PLCXD1: variants seen among roughly 807,000 people sequenced by gnomAD.
PLCXD1 encodes the protein phosphatidylinositol specific phospholipase C X domain containing 1.
In PLCXD1, 45 loss-of-function variants were observed where a neutral mutation model predicts 37.8. The ratio of observed to expected loss-of-function variants is 1.19; its 90% CI spans 0.94 to 1.53. The LOEUF is 1.53. Ranked by LOEUF, PLCXD1 falls within the 40% of genes most tolerant of loss-of-function variation. PLCXD1 has a pLI of 0.00. For synonymous variants in PLCXD1, 246 were observed against 206.9 expected (o/e 1.19, Z -1.62); for missense variants, 539 against 454.7 (o/e 1.19, Z -1.69).
At chrX:280,289 GGAGGA>G (rs2069235528), upstream of PLCXD1, among the ~76,000 whole-genome samples, 1 of 150,840 alleles carries the variant, frequency 6.6e-6, no homozygotes, top group African/African-American at 2.4e-5. Context: ...AGGCCGTGCA[GGAGGA>G]GGGGAGGCCG....
intron 1 of PLCXD1, among the ~76,000 whole-genome samples, chrX:282,515 A>T (rs2069302391): frequency 6.6e-6 from 1 of 151,334 alleles, no homozygotes; most frequent in Non-Finnish European, 1.5e-5. Context: ...GACTAGCCTG[A>T]CCAAGATAGT....
intron 5 of PLCXD1, 82 bp from the exon 6 acceptor site, chrX:292,953 C>A: frequency 1.0e-6 from 1 of 954,234 alleles, no homozygotes; most frequent in Non-Finnish European, 1.6e-6. Flanking sequence ...GGGCCGGTGT[C>A]CCGACTTCCC....
intron 2 of PLCXD1, among the ~76,000 whole-genome samples, chrX:285,271 CAT>C (rs2069411779): frequency 6.6e-6 from 1 of 152,172 alleles, no homozygotes; most frequent in Admixed American, 6.5e-5. Flanking sequence ...TATACATGCA[CAT>C]AGGCTCATAC....
upstream of PLCXD1, among the ~76,000 whole-genome samples, chrX:277,146 G>A (rs1232325731): frequency 2.0e-5 from 3 of 152,140 alleles, no homozygotes; most frequent in Admixed American, 1.3e-4. Context: ...GGCCGCCCCC[G>A]GGGCTCCTTC....
chrX:279,500 G>A (rs1391967871), upstream of PLCXD1, among the ~76,000 whole-genome samples: 15 of 152,194 alleles, frequency 9.9e-5, no homozygotes, highest in Admixed American at 7.9e-4. Flanking sequence ...GGCCGGGCAC[G>A]GTGGCTCACG....
rs190062317 is a variant in PLCXD1, at chrX:301,266, T to C, written c.*1931T>C. On this transcript the variant is annotated 3_prime_UTR_variant, in exon 7 of 7. Coordinates refer to ENST00000381657, the MANE Select transcript of PLCXD1 (RefSeq NM_018390.4). Reference sequence around the variant, plus strand: ...GCTCCAGTGATCCTCCCACCTTAGCTTCCAGAGTGGCCAGGATCACAGGCA... The same window carrying C: ...GCTCCAGTGATCCTCCCACCTTAGCCTCCAGAGTGGCCAGGATCACAGGCA... 1 of 152,206 alleles carries C rather than the reference T, an allele frequency of 6.6e-6. No homozygotes were observed. Among genetic ancestry groups the C allele is most frequent in the Non-Finnish European group, 1.5e-5 (1 of 68,060 alleles). 9.4% of individuals were successfully genotyped at this position (152,206 alleles called of 1,614,324 possible).
At chrX:282,917 T>C (rs910955603) in intron 1 of PLCXD1, among the ~76,000 whole-genome samples, 16 of 140,884 alleles carry the variant, frequency 1.1e-4, no homozygotes, top group African/African-American at 4.0e-4. Context: ...TATATGTATA[T>C]ATGTTATACA....
chrX:294,260 A>C (rs1602896420), intron 6 of PLCXD1, among the ~76,000 whole-genome samples: 1 of 152,184 alleles, frequency 6.6e-6, no homozygotes, highest in Non-Finnish European at 1.5e-5. Context: ...AGGCGGGCGG[A>C]TCATGAGGTC....
At chrX:284,463 G>A in intron 2 of PLCXD1, 149 bp downstream of exon 2, 1 of 812,580 alleles carries the variant, frequency 1.2e-6, no homozygotes. Context: ...ACACTGATGT[G>A]GACACACACA....
rs771865156 is a variant in PLCXD1 at position 302,270 on chromosome X, AC to A, written c.*2945del. The A allele has an allele frequency of 0.13, 18,470 of 145,426 alleles. 2,722 individuals are homozygous for A. Among genetic ancestry groups the A allele is most frequent in the African/African-American group, 0.36 (14,559 of 40,018 alleles). The allele number at this position is 145,426 out of a possible 1,614,324, so 9.0% of individuals were successfully genotyped here. On this transcript the variant is annotated 3_prime_UTR_variant, in exon 7 of 7. Transcript: ENST00000381657. ...TTAAAGTCCTACAGGTACAAGGGAG[AC>A]CCCCCCCCCACGGAAGGCGCCCCCA...
In PLCXD1 at chrX:303,204, A is replaced by T. The variant is rs1436388237; in HGVS notation, c.*3869A>T. On this transcript the variant is annotated 3_prime_UTR_variant, in exon 7 of 7. Transcript: ENST00000381657. The stretch of plus-strand genomic sequence containing the variant: ...TACCTCAGCCCCACGGCTCTGCAGG[A>T]TCAGGGCTCGGGCAGGCCCCGCGGA... 1 of 152,156 alleles carries T rather than the reference A, an allele frequency of 6.6e-6. No individual in the cohort carries two copies. Among genetic ancestry groups the T allele is most frequent in the East Asian group, 1.9e-4 (1 of 5,192 alleles). 9.4% of individuals were successfully genotyped at this position (152,156 alleles called of 1,614,324 possible).
chrX:303,195 C>T lies in PLCXD1; in HGVS notation c.*3860C>T, dbSNP rs2070070369. 6.6e-6 allele frequency: 1 copy of T among 152,194 alleles called. No homozygotes were observed. Among genetic ancestry groups the T allele is most frequent in the African/African-American group, 2.4e-5 (1 of 41,458 alleles). 9.4% of individuals were successfully genotyped at this position (152,194 alleles called of 1,614,324 possible). On this transcript the variant is annotated 3_prime_UTR_variant, in exon 7 of 7. Transcript: ENST00000381657. ...ACCGGCGGCTACCTCAGCCCCACGG[C>T]TCTGCAGGATCAGGGCTCGGGCAGG... is the stretch of plus-strand genomic sequence containing the variant.
At chrX:296,960 T>G (rs1201580552) in intron 6 of PLCXD1, among the ~76,000 whole-genome samples, 5 of 98,996 alleles carry the variant, frequency 5.1e-5, no homozygotes, top group Non-Finnish European at 1.0e-4. Flanking sequence ...TGGACATCTT[T>G]GGGGACATTA....
At chrX:292,644 G>A (rs1393257042) in intron 5 of PLCXD1, among the ~76,000 whole-genome samples, 5 of 150,974 alleles carry the variant, frequency 3.3e-5, no homozygotes, top group East Asian at 2.0e-4. Context: ...AGGGAGTCTC[G>A]GTCTGTCTCC....
chrX:299,244 G>C lies in PLCXD1; in HGVS notation c.881G>C (p.Arg294Pro), dbSNP rs201650548. 4.3e-6 allele frequency: 7 copies of C among 1,613,756 alleles called. No homozygotes were observed. The highest frequency in any genetic ancestry group is 1.3e-5 in the African/African-American group (1 of 74,896). Residue 294 changes from arginine (R) to proline (P), a missense_variant, in exon 7 of 7, where the codon CGG (arginine) becomes CCG (proline). Physicochemically the swap from Arg to Pro is moderately radical, Grantham distance 103 (BLOSUM62 -2). Coordinates refer to ENST00000381657, the MANE Select transcript of PLCXD1 (RefSeq NM_018390.4). ...VREQCPGPGS[R>P]CTNIIAGDFI... ...GAGCAGTGCCCGGGGCCGGGTTCAC[G>C]GTGCACCAACATCATCGCGGGGGAC...
chrX:293,413 C>T (rs1047436303), intron 6 of PLCXD1, among the ~76,000 whole-genome samples, 195 bp downstream of exon 6: 15 of 152,148 alleles, frequency 9.9e-5, no homozygotes, highest in Admixed American at 4.6e-4. Flanking sequence ...CACCTGAGGT[C>T]GGGAGTTTGA....
rs182577220 is a variant in PLCXD1 at position 289,800 on chromosome X, C to T, written c.265-848C>T. Among the ~76,000 whole-genome samples, 783 of 152,124 alleles carry T rather than the reference C, an allele frequency of 5.1e-3. 6 individuals are homozygous for T. The highest frequency in any genetic ancestry group is 0.018 in the African/African-American group (748 of 41,532). ...TGCTGGGATTACAGGCGTCAGCCAC[C>T]GCGCCCGGCCGAGACAACCCCTTTC... On this transcript the variant is annotated intron_variant, in intron 3 of 6. Coordinates refer to ENST00000381657, the MANE Select transcript of PLCXD1 (RefSeq NM_018390.4).
rs1293656607 is a variant in PLCXD1 at position 290,884 on chromosome X, G to GCCAAGCTC, written c.393+110_393+111insAAGCTCCC. 6.3e-4 allele frequency: 219 copies of GCCAAGCTC among 345,164 alleles called. 4 individuals carry two copies. Among genetic ancestry groups the GCCAAGCTC allele is most frequent in the Middle Eastern group, 8.3e-4 (1 of 1,210 alleles). 21.4% of individuals were successfully genotyped at this position (345,164 alleles called of 1,614,324 possible). A position where few individuals can be genotyped will look rare whatever the true frequency, so the allele number is the denominator to read the frequency against. The stretch of plus-strand genomic sequence containing the variant: ...GAAGCAAGGGGGACAGCGGGAGGCG[G>GCCAAGCTC]CCGGGCACTGGTGCAGGTGCGGCCG... On this transcript the variant is annotated intron_variant, in intron 4 of 6. Transcript: ENST00000381657.
At position 293,047 on chromosome X, in the gene PLCXD1, CTG is replaced by C. The variant is rs2069686358; in HGVS notation, c.563_564del (p.Leu188ProfsTer15). 1.2e-6 allele frequency: 2 copies of C among 1,607,552 alleles called. No individual in the cohort carries two copies. The highest frequency in any genetic ancestry group is 1.7e-6 in the Non-Finnish European group (2 of 1,176,968). On this transcript the variant is annotated frameshift_variant, in exon 6 of 7. Coordinates refer to ENST00000381657, the MANE Select transcript of PLCXD1 (RefSeq NM_018390.4). LOFTEE classifies it high-confidence loss of function. The part of the protein sequence containing the change: ...MLCPRGEVPT[L>X]RQLWSRGQQV... The stretch of plus-strand genomic sequence containing the variant: ...TGGTCCTTTGCAGGAGGTGCCGACA[CTG>C]CGGCAGCTGTGGTCCCGGGGCCAAC...
Sources: gnomAD v4.1 joint callset for allele counts (sites outside exome capture counted in the v4.1 genomes callset) on GRCh38, gnomAD v4.1.1 for gene constraint, MANE v1.5 for transcripts, NCBI Gene and HGNC (gene_info 2026-07-23, HGNC 2026-07-21) for gene names.